DKK3: variants seen among roughly 807,000 people sequenced by gnomAD.
DKK3 encodes dickkopf-related protein 3.
In DKK3, 22 loss-of-function variants were observed where a neutral mutation model predicts 33.2. The ratio of observed to expected loss-of-function variants is 0.66; its 90% CI spans 0.47 to 0.95. DKK3 has a LOEUF of 0.95. Among genes scored for constraint, DKK3 ranks in the 40% least tolerant of loss-of-function variants. DKK3 has a pLI of 0.00. For synonymous variants in DKK3, 194 were observed against 188.8 expected (o/e 1.03, Z -0.23); for missense variants, 398 against 458.4 (o/e 0.87, Z 1.20).
rs549908573 is a variant in DKK3, at chr11:11,996,639, T to C, written c.435+2057A>G. 2.0e-5 allele frequency among the ~76,000 whole-genome samples: 3 copies of C among 152,214 alleles called. No homozygotes were observed. The South Asian group carries it at 6.2e-4, about 32-fold the overall frequency. The stretch of plus-strand genomic sequence containing the variant: ...CCTTCTAGTTAATCAAACGGGAATT[T>C]AGTCTAATATAGAAACCCAATATGC... On this transcript the variant is annotated intron_variant, in intron 3 of 6. Transcript: ENST00000683431.
At chr11:11,994,137 T>C (rs1848242814) in intron 3 of DKK3, among the ~76,000 whole-genome samples, 1 of 152,198 alleles carries the variant, frequency 6.6e-6, no homozygotes, top group Admixed American at 6.5e-5. Context: ...CCTGTGCCTG[T>C]GGAGACCTTT....
chr11:12,008,252 C>T lies in DKK3; in HGVS notation c.213+118G>A. 1 of 1,343,550 alleles carries T rather than the reference C, an allele frequency of 7.4e-7. No individual in the cohort carries two copies. Among genetic ancestry groups the T allele is most frequent in the Non-Finnish European group, 9.9e-7 (1 of 1,008,446 alleles). The allele number at this position is 1,343,550 out of a possible 1,614,324, so 83.2% of individuals were successfully genotyped here. Reference sequence around the variant, plus strand: ...GGTCACTCCGCATCTGCTGTCGGCCCTTCCCAGGCCCTGCGCGGGACCCGA... The same window carrying T: ...GGTCACTCCGCATCTGCTGTCGGCCTTTCCCAGGCCCTGCGCGGGACCCGA... On this transcript the variant is annotated intron_variant, in intron 1 of 6. Transcript: ENST00000683431. This position sits in a 1 kb window ranked among gnomAD's most constrained non-coding sequence, Gnocchi z 4.6.
In DKK3 at chr11:11,978,180, G is replaced by A. The variant is rs1847875804; in HGVS notation, c.436-9693C>T. Among the ~76,000 whole-genome samples, 3 of 152,304 alleles carry A rather than the reference G, an allele frequency of 2.0e-5. No homozygotes were observed. In the South Asian group the frequency reaches 6.2e-4, roughly 32 times the overall value. ...AAAGTGGGGTTGGCCTTGAGCAGGA[G>A]AAGGTTGAGAAGGAAGGGCTGGTGG... On this transcript the variant is annotated intron_variant, in intron 3 of 6. Transcript: ENST00000683431.
rs1847516608 is a variant in DKK3 at position 11,963,862 on chromosome 11, T to C, written c.*602A>G. ...CAATGACCCCCTCCCCAGGCTGTGCTGAGAGAGGGAATTGATCTTGGATAT... is the reference window on the plus strand; with the variant it reads ...CAATGACCCCCTCCCCAGGCTGTGCCGAGAGAGGGAATTGATCTTGGATAT... On this transcript the variant is annotated 3_prime_UTR_variant, in exon 7 of 7. Transcript: ENST00000683431. The C allele has an allele frequency of 6.5e-6, 1 of 153,112 alleles. No individual in the cohort carries two copies. The highest frequency in any genetic ancestry group is 6.5e-5 in the Admixed American group (1 of 15,336). 9.5% of individuals were successfully genotyped at this position (153,112 alleles called of 1,614,324 possible). A position where few individuals can be genotyped will look rare whatever the true frequency, so the allele number is the denominator to read the frequency against.
chr11:12,008,666 C>A, upstream of DKK3: 1 of 1,241,508 alleles, frequency 8.1e-7, no homozygotes. This position sits in a 1 kb window ranked among gnomAD's most constrained non-coding sequence, Gnocchi z 4.6. Flanking sequence ...CTGGGCCCGC[C>A]GCCCCGCCCC....
At chr11:11,983,509 C>T (rs910782206) in intron 3 of DKK3, among the ~76,000 whole-genome samples, 3 of 152,232 alleles carry the variant, frequency 2.0e-5, no homozygotes, top group Non-Finnish European at 4.4e-5. Flanking sequence ...TCCCTCCTGA[C>T]ATATCACAAG....
intron 1 of DKK3, among the ~76,000 whole-genome samples, chr11:12,004,169 T>A (rs1223720840): frequency 3.3e-5 from 5 of 152,182 alleles, no homozygotes; most frequent in Non-Finnish European, 5.9e-5. Flanking sequence ...GTTTAAAAAA[T>A]TGAAATATCT....
intron 3 of DKK3, among the ~76,000 whole-genome samples, chr11:11,991,694 C>A (rs536131364): frequency 1.3e-5 from 2 of 152,152 alleles, no homozygotes; most frequent in Non-Finnish European, 2.9e-5. Context: ...TTTCCGAAGC[C>A]GTCACCAGGT....
At chr11:11,978,197 G>T (rs1031102259) in intron 3 of DKK3, among the ~76,000 whole-genome samples, 3 of 152,112 alleles carry the variant, frequency 2.0e-5, no homozygotes, top group African/African-American at 7.2e-5. Context: ...GAGAAGGAAG[G>T]GCTGGTGGCC....
At chr11:11,981,282 G>GC (rs1225168893) in intron 3 of DKK3, among the ~76,000 whole-genome samples, 2 of 152,174 alleles carry the variant, frequency 1.3e-5, no homozygotes, top group African/African-American at 4.8e-5. Flanking sequence ...GAGGCCAACA[G>GC]CACTGCCTAG....
intron 3 of DKK3, among the ~76,000 whole-genome samples, chr11:11,972,479 C>G (rs546171960): frequency 8.5e-5 from 13 of 152,300 alleles, no homozygotes; most frequent in African/African-American, 2.4e-4. Flanking sequence ...CAGGCAAGTC[C>G]TGGGGCAGAG....
intron 1 of DKK3, among the ~76,000 whole-genome samples, chr11:12,004,692 G>GAGTAGATATAAGAATTAAGGACCATGC (rs1393151911): frequency 8.5e-5 from 13 of 152,206 alleles, no homozygotes; most frequent in African/African-American, 2.9e-4. Flanking sequence ...CTACTTTGTT[G>GAGTAGATATAAGAATTAAGGACCATGC]AGTAGATATA....
chr11:11,997,985 T>A (rs1848335011), intron 3 of DKK3, among the ~76,000 whole-genome samples: 2 of 152,122 alleles, frequency 1.3e-5, no homozygotes, highest in Non-Finnish European at 2.9e-5. Flanking sequence ...TACTGGCCAC[T>A]CCTCAGCAGG....
At chr11:11,997,887 G>A (rs560825616) in intron 3 of DKK3, among the ~76,000 whole-genome samples, 2 of 152,316 alleles carry the variant, frequency 1.3e-5, no homozygotes, top group South Asian at 4.1e-4. Context: ...AAAATCCTCA[G>A]TGCCCTGGGA....
rs1848395242 is a variant in DKK3 at position 12,000,213 on chromosome 11, T to C, written c.352-1434A>G. ...GTTTGTTTGTTTGTTTGTTTGTTTGTTTGTCTTTTGACACAGAGTCTTGCT... is the reference window on the plus strand; with the variant it reads ...GTTTGTTTGTTTGTTTGTTTGTTTGCTTGTCTTTTGACACAGAGTCTTGCT... On this transcript the variant is annotated intron_variant, in intron 2 of 6. Coordinates refer to ENST00000683431, the MANE Select transcript of DKK3 (RefSeq NM_001018057.2). 2.0e-5 allele frequency among the ~76,000 whole-genome samples: 3 copies of C among 147,592 alleles called. No homozygotes were observed. The South Asian group carries it at 6.5e-4, about 32-fold the overall frequency.
At position 11,985,336 on chromosome 11, in the gene DKK3, G is replaced by A. The variant is rs149526739; in HGVS notation, c.435+13360C>T. Among the ~76,000 whole-genome samples the A allele has an allele frequency of 1.4e-4, 22 of 152,356 alleles. No individual in the cohort carries two copies. In the East Asian group the frequency reaches 4.2e-3, roughly 29 times the overall value. On this transcript the variant is annotated intron_variant, in intron 3 of 6. Transcript: ENST00000683431. ...TAAAATGACCCGCTCCCCCGACAGT[G>A]AGCTCCCCAAGCTCTCTTCCTCAGT... is the stretch of plus-strand genomic sequence containing the variant.
At chr11:11,994,757 G>A (rs764887377) in intron 3 of DKK3, 6 of 152,162 alleles carry the variant, frequency 3.9e-5, no homozygotes, top group African/African-American at 7.2e-5. Context: ...GGGAGAAAGC[G>A]CTTGTTCGAT....
chr11:11,968,430 G>A lies in DKK3; in HGVS notation c.493C>T (p.Gln165Ter). Residue 165 changes from glutamine (Q) to a stop codon, truncating the protein, a stop_gained, in exon 4 of 7, where the codon CAG becomes TAG. Transcript: ENST00000683431. LOFTEE classifies it high-confidence loss of function. ...PSMYCQFASF[Q>*]YTCQPCRGQR... is the part of the protein sequence containing the mutation. ...CCCCGGCATGGCTGGCAGGTGTACTGGAAGCTGGCAAACTGGCAGTACATG... is the reference window on the plus strand; with the variant it reads ...CCCCGGCATGGCTGGCAGGTGTACTAGAAGCTGGCAAACTGGCAGTACATG... 1 of 1,613,446 alleles carries A rather than the reference G, an allele frequency of 6.2e-7. No individual in the cohort carries two copies. The highest frequency in any genetic ancestry group is 8.5e-7 in the Non-Finnish European group (1 of 1,179,690).
chr11:11,968,976 G>A (rs886955718), intron 3 of DKK3, among the ~76,000 whole-genome samples: 3 of 152,190 alleles, frequency 2.0e-5, no homozygotes, highest in African/African-American at 7.2e-5. Flanking sequence ...CCCACAGAGA[G>A]CGCCCTCAGG....
Sources: allele counts gnomAD v4.1 joint callset (sites outside exome capture counted in the v4.1 genomes callset), GRCh38; gene constraint gnomAD v4.1.1; non-coding constraint Gnocchi (gnomAD v3.1); transcripts MANE v1.5; gene names NCBI Gene and HGNC (gene_info 2026-07-23, HGNC 2026-07-21).